CMTM8: variants seen among roughly 807,000 people sequenced by gnomAD.
CMTM8 encodes CKLF like MARVEL transmembrane domain containing 8.
A neutral mutation model predicts 18.6 loss-of-function variants in CMTM8; 12 were observed. The ratio of observed to expected loss-of-function variants is 0.65; its 90% confidence interval spans 0.41 to 1.05. The LOEUF (loss-of-function observed/expected upper bound fraction) is 1.05. Among genes scored for constraint, CMTM8 ranks in the 50% least tolerant of loss-of-function variants. The probability of loss-of-function intolerance (pLI) is 0.00; values close to 1 mark genes in which losing one functional copy is unlikely to be tolerated. For missense variants in CMTM8, 217 were observed against 227.2 expected (o/e 0.95, Z 0.29); for synonymous variants, 87 against 90.6 (o/e 0.96, Z 0.23).
rs1264112915 is a variant in CMTM8, at chr3:32,333,492, G to A, written c.148-23881G>A. On this transcript the variant is annotated intron_variant, in intron 1 of 3. Transcript: ENST00000307526. The stretch of plus-strand genomic sequence containing the variant: ...GACCCCTGGTGATTGTGTATACACT[G>A]ATGTTTGGGAAGCACTGGGCAATGT... Among the ~76,000 whole-genome samples the A allele has an allele frequency of 9.9e-5, 15 of 152,278 alleles. No homozygotes were observed. The East Asian group carries it at 2.7e-3, about 27-fold the overall frequency.
chr3:32,321,442 TTGTGCTGAGGATGAG>T (rs1426673343), intron 1 of CMTM8, among the ~76,000 whole-genome samples: 1 of 152,054 alleles, frequency 6.6e-6, no homozygotes, highest in Non-Finnish European at 1.5e-5. Context: ...CAGTGCCATG[TTGTGCTGAGGATGAG>T]TGTGCCCTCC....
chr3:32,341,548 A>G (rs1214551377), intron 1 of CMTM8, among the ~76,000 whole-genome samples: 1 of 152,218 alleles, frequency 6.6e-6, no homozygotes, highest in East Asian at 1.9e-4. Context: ...GAAGAGTTAA[A>G]TTACTTACGG....
At chr3:32,342,314 C>G (rs544139405) in intron 1 of CMTM8, among the ~76,000 whole-genome samples, 1 of 152,248 alleles carries the variant, frequency 6.6e-6, no homozygotes, top group South Asian at 2.1e-4. Flanking sequence ...AGGTAAGGTA[C>G]AAGAAGTGTT....
At chr3:32,246,351 C>G (rs1210832812) in intron 1 of CMTM8, among the ~76,000 whole-genome samples, 1 of 152,162 alleles carries the variant, frequency 6.6e-6, no homozygotes, top group Non-Finnish European at 1.5e-5. Flanking sequence ...AGGGTTCCTC[C>G]CTGCTGGGTC....
At chr3:32,290,755 CT>C (rs148280930) in intron 1 of CMTM8, among the ~76,000 whole-genome samples, 210 of 152,324 alleles carry the variant, frequency 1.4e-3, no homozygotes, top group African/African-American at 4.9e-3. Flanking sequence ...CACATTTATA[CT>C]GAGTTACAAT....
chr3:32,326,048 C>T (rs1339297756), intron 1 of CMTM8, among the ~76,000 whole-genome samples: 1 of 152,180 alleles, frequency 6.6e-6, no homozygotes, highest in Non-Finnish European at 1.5e-5. Flanking sequence ...AGGTCTGCTC[C>T]CAAGAGGGGG....
chr3:32,263,663 G>A (rs1267059957), intron 1 of CMTM8, among the ~76,000 whole-genome samples: 11 of 152,170 alleles, frequency 7.2e-5, no homozygotes, highest in Non-Finnish European at 1.3e-4. Flanking sequence ...AGCTAAAGGA[G>A]GAAGTTCGAA....
At chr3:32,252,503 G>A (rs1010872399) in intron 1 of CMTM8, among the ~76,000 whole-genome samples, 2 of 152,146 alleles carry the variant, frequency 1.3e-5, no homozygotes, top group Non-Finnish European at 2.9e-5. Flanking sequence ...ATCTGGGAAT[G>A]TTGTATCTCT....
chr3:32,268,059 A>G (rs1348175899), intron 1 of CMTM8, among the ~76,000 whole-genome samples: 3 of 152,244 alleles, frequency 2.0e-5, no homozygotes, highest in Non-Finnish European at 4.4e-5. Flanking sequence ...ATCTAGAACT[A>G]GAAATACCAT....
chr3:32,290,307 T>G (rs1702757918), intron 1 of CMTM8, among the ~76,000 whole-genome samples: 1 of 152,196 alleles, frequency 6.6e-6, no homozygotes, highest in Non-Finnish European at 1.5e-5. Context: ...ATATATTACC[T>G]TTATGGAGCA....
intron 1 of CMTM8, among the ~76,000 whole-genome samples, chr3:32,268,075 C>A (rs1702375409): frequency 6.6e-6 from 1 of 152,120 alleles, no homozygotes; most frequent in Admixed American, 6.5e-5. Flanking sequence ...ACCATTTGAC[C>A]CAGCCATCCC....
At chr3:32,294,725 A>G (rs765336312) in intron 1 of CMTM8, among the ~76,000 whole-genome samples, 4 of 152,192 alleles carry the variant, frequency 2.6e-5, no homozygotes, top group Non-Finnish European at 5.9e-5. Context: ...GTGCCCTTGC[A>G]TGCAGTGAAT....
chr3:32,263,553 C>T (rs986997214), intron 1 of CMTM8, among the ~76,000 whole-genome samples: 22 of 152,316 alleles, frequency 1.4e-4, no homozygotes, highest in African/African-American at 4.6e-4. Flanking sequence ...CTCTCCTCCT[C>T]CAAAGGAACG....
At chr3:32,332,281 C>A (rs1220171078) in intron 1 of CMTM8, among the ~76,000 whole-genome samples, 2 of 152,156 alleles carry the variant, frequency 1.3e-5, no homozygotes, top group Non-Finnish European at 2.9e-5. Context: ...GCTAGTTCCA[C>A]CTGCTGCAGA....
rs1480775127 is a variant in CMTM8, at chr3:32,239,095, C to T, written c.123C>T (p.Pro41=). 3 of 1,601,120 alleles carry T rather than the reference C, an allele frequency of 1.9e-6. No homozygotes were observed. In the South Asian group the frequency reaches 3.4e-5, roughly 18 times the overall value. The change falls in exon 1 of 4, where the codon CCC becomes CCT. Residue 41 remains proline (P), a synonymous_variant. Coordinates refer to ENST00000307526, the MANE Select transcript of CMTM8 (RefSeq NM_178868.5). ...AYDREFLRTL[P]GFLIVAEIVL... The stretch of plus-strand genomic sequence containing the variant: ...ACCGGGAGTTCCTCCGCACCCTGCC[C>T]GGCTTCCTCATCGTGGCCGAGATCG...
At chr3:32,262,112 G>T (rs1702267253) in intron 1 of CMTM8, among the ~76,000 whole-genome samples, 1 of 152,066 alleles carries the variant, frequency 6.6e-6, no homozygotes, top group African/African-American at 2.4e-5. Context: ...ATGTCTGCTG[G>T]GTCCTGGATG....
chr3:32,248,692 T>G (rs1036904913), intron 1 of CMTM8, among the ~76,000 whole-genome samples: 6 of 150,328 alleles, frequency 4.0e-5, no homozygotes, highest in Admixed American at 2.7e-4. Flanking sequence ...ATTAAAAGTG[T>G]TTTTTTTTAG....
intron 1 of CMTM8, among the ~76,000 whole-genome samples, chr3:32,350,272 GT>G (rs142066962): frequency 0.039 from 5,822 of 151,026 alleles, 144 homozygotes; most frequent in Middle Eastern, 0.072. Flanking sequence ...AAGTTGGTTT[GT>G]TTCTTGACTT....
At chr3:32,286,452 G>A (rs1197331524) in intron 1 of CMTM8, among the ~76,000 whole-genome samples, 2 of 152,116 alleles carry the variant, frequency 1.3e-5, no homozygotes, top group East Asian at 1.9e-4. Flanking sequence ...CGAAGAAGCT[G>A]TGGAAACTAT....
Sources: allele counts gnomAD v4.1 joint callset (sites outside exome capture counted in the v4.1 genomes callset), GRCh38; gene constraint gnomAD v4.1.1; transcripts MANE v1.5; gene names NCBI Gene and HGNC (gene_info 2026-07-23, HGNC 2026-07-21).